CTNNA3: variants seen among roughly 807,000 people sequenced by gnomAD.
CTNNA3 encodes the protein catenin alpha-3.
In CTNNA3, 76 loss-of-function variants were observed where a neutral mutation model predicts 95.7. That is an observed-to-expected ratio of 0.79 (90% CI 0.66 to 0.96). The LOEUF is 0.96. Ranked by LOEUF, CTNNA3 falls within the 40% of genes least tolerant of loss-of-function variation. The pLI is 0.00. For missense variants in CTNNA3, 1,191 were observed against 1,089.8 expected, an observed-to-expected ratio of 1.09 and a Z score of -1.31; for synonymous variants, 431 against 374.4, an observed-to-expected ratio of 1.15 and a Z score of -1.74.
At chr10:67,690,053 C>A (rs775370731) in intron 1 of CTNNA3, among the ~76,000 whole-genome samples, 26 of 152,132 alleles carry the variant, frequency 1.7e-4, no homozygotes, top group Non-Finnish European at 2.2e-4. Flanking sequence ...GTGACTGTTA[C>A]CACTCTTAAA....
chr10:66,690,638 C>G (rs948283265), intron 9 of CTNNA3, among the ~76,000 whole-genome samples: 1 of 151,370 alleles, frequency 6.6e-6, no homozygotes, highest in Admixed American at 6.6e-5. Flanking sequence ...CATGTCCCTA[C>G]AAAGGACATG....
intron 15 of CTNNA3, among the ~76,000 whole-genome samples, chr10:66,048,518 T>G (rs141846167): frequency 0.061 from 9,347 of 152,196 alleles, 406 homozygotes; most frequent in Middle Eastern, 0.11. Context: ...CCCAGCACTT[T>G]GGGAGGCTGA....
chr10:67,323,396 C>T (rs148577299), intron 5 of CTNNA3, among the ~76,000 whole-genome samples: 88 of 151,982 alleles, frequency 5.8e-4, no homozygotes, highest in African/African-American at 1.6e-3. Flanking sequence ...TTTTTGTATA[C>T]GGTGTAAGGA....
chr10:66,547,779 C>A (rs12780765), intron 10 of CTNNA3, among the ~76,000 whole-genome samples: 1 of 152,152 alleles, frequency 6.6e-6, no homozygotes, highest in Non-Finnish European at 1.5e-5. Flanking sequence ...GTCTTACAAT[C>A]CATAAACATG....
intron 11 of CTNNA3, among the ~76,000 whole-genome samples, chr10:66,446,263 C>A (rs1369977021): frequency 6.6e-6 from 1 of 152,172 alleles, no homozygotes; most frequent in African/African-American, 2.4e-5. Flanking sequence ...GAGCTGGTAC[C>A]ATTCCTTCTG....
At chr10:66,688,113 C>A (rs1245053145) in intron 9 of CTNNA3, among the ~76,000 whole-genome samples, 1 of 152,068 alleles carries the variant, frequency 6.6e-6, no homozygotes, top group African/African-American at 2.4e-5. Flanking sequence ...TGCATTTTGA[C>A]TTCTTCCCTG....
chr10:67,537,263 C>G (rs1840514249), intron 4 of CTNNA3, among the ~76,000 whole-genome samples: 1 of 152,092 alleles, frequency 6.6e-6, no homozygotes, highest in African/African-American at 2.4e-5. Flanking sequence ...GCTGTTCTAA[C>G]CATTAGAGTA....
intron 1 of CTNNA3, among the ~76,000 whole-genome samples, chr10:67,712,293 C>T (rs1037997883): frequency 3.3e-5 from 5 of 152,232 alleles, no homozygotes; most frequent in East Asian, 1.9e-4. Flanking sequence ...AAAGAAAATC[C>T]CATTTTCTGA....
At chr10:66,429,741 T>A (rs1043040496) in intron 11 of CTNNA3, among the ~76,000 whole-genome samples, 3 of 152,148 alleles carry the variant, frequency 2.0e-5, no homozygotes, top group African/African-American at 7.2e-5. Flanking sequence ...TACGTATTGA[T>A]GGGAAGTATC....
At chr10:66,540,984 T>C (rs1841831283) in intron 10 of CTNNA3, among the ~76,000 whole-genome samples, 1 of 151,930 alleles carries the variant, frequency 6.6e-6, no homozygotes, top group South Asian at 2.1e-4. Context: ...AAAGTCAAAG[T>C]ATAGCAATCA....
In CTNNA3 at chr10:66,067,999, A is replaced by T. The variant is rs1312178479; in HGVS notation, c.2159+1309T>A. Among the ~76,000 whole-genome samples the T allele has an allele frequency of 2.0e-5, 3 of 152,210 alleles. No individual in the cohort carries two copies. In the East Asian group the frequency reaches 5.8e-4, roughly 29 times the overall value. ...TATAGTACAGATATGGATACAGATG[A>T]TGCACGTATGAAAAGTTTATAAAGA... On this transcript the variant is annotated intron_variant, in intron 15 of 17. Transcript: ENST00000433211.
chr10:66,724,376 T>C lies in CTNNA3; in HGVS notation c.1281+41888A>G, dbSNP rs999173175. 7.2e-5 allele frequency among the ~76,000 whole-genome samples: 11 copies of C among 152,314 alleles called. No individual in the cohort carries two copies. In the South Asian group the frequency reaches 1.7e-3, roughly 23 times the overall value. On this transcript the variant is annotated intron_variant, in intron 9 of 17. Coordinates refer to ENST00000433211, the MANE Select transcript of CTNNA3 (RefSeq NM_013266.4). The stretch of plus-strand genomic sequence containing the variant: ...GGTCCTAAGACCCTTAGAAAACACA[T>C]GGTTGTGCATCTTTATGCCCACAGG...
intron 10 of CTNNA3, among the ~76,000 whole-genome samples, chr10:66,607,364 G>A (rs889714433): frequency 4.7e-5 from 7 of 149,068 alleles, no homozygotes; most frequent in African/African-American, 1.7e-4. Context: ...AAGAAGAGCT[G>A]GTATCATTCC....
intron 1 of CTNNA3, among the ~76,000 whole-genome samples, chr10:67,726,593 T>TATATTACATATTATATAATATGTAATA (rs1841227277): frequency 7.4e-5 from 4 of 54,242 alleles, no homozygotes; most frequent in African/African-American, 4.0e-4. Context: ...ATATGTAATA[T>TATATTACATATTATATAATATGTAATA]TATATTACAT....
chr10:67,651,015 A>G (rs1839864265), intron 1 of CTNNA3, among the ~76,000 whole-genome samples: 2 of 151,990 alleles, frequency 1.3e-5, no homozygotes, highest in Admixed American at 6.6e-5. Flanking sequence ...GGCTCCTCTT[A>G]GTAAAACTAC....
chr10:67,213,716 T>C (rs1475088592), intron 6 of CTNNA3, among the ~76,000 whole-genome samples: 3 of 151,812 alleles, frequency 2.0e-5, no homozygotes, highest in Admixed American at 6.6e-5. Context: ...TATACAGATA[T>C]GGTTTTCAAA....
Position 67,285,268 on chromosome 10 carries a change from T to C in CTNNA3, c.580-65398A>G, listed in dbSNP as rs143920988. ...ATGAAAGGTAGAGGAGAAAATTGTT[T>C]TTCCTCCTTTACAGCATTGCAGAGC... On this transcript the variant is annotated intron_variant, in intron 5 of 17. Coordinates refer to ENST00000433211, the MANE Select transcript of CTNNA3 (RefSeq NM_013266.4). 3.0e-3 allele frequency among the ~76,000 whole-genome samples: 461 copies of C among 152,316 alleles called. 5 individuals carry two copies. The highest frequency in any genetic ancestry group is 7.3e-3 in the East Asian group (38 of 5,186).
At chr10:66,533,871 G>C (rs1033234669) in intron 10 of CTNNA3, among the ~76,000 whole-genome samples, 10 of 152,088 alleles carry the variant, frequency 6.6e-5, no homozygotes, top group Non-Finnish European at 1.2e-4. Context: ...AGGAGTTCAA[G>C]ACCAGCCTGG....
At chr10:67,725,179 C>CT (rs578185088) in intron 1 of CTNNA3, among the ~76,000 whole-genome samples, 276 of 143,358 alleles carry the variant, frequency 1.9e-3, no homozygotes, top group Middle Eastern at 0.018. Flanking sequence ...ATTAATTTAC[C>CT]TTTTTTTTTT....
Sources: allele counts gnomAD v4.1 joint callset (sites outside exome capture counted in the v4.1 genomes callset), GRCh38; gene constraint gnomAD v4.1.1; transcripts MANE v1.5; gene names NCBI Gene and HGNC (gene_info 2026-07-23, HGNC 2026-07-21).